CCDC80: variants seen among roughly 807,000 people sequenced by gnomAD.
CCDC80 encodes the protein coiled-coil domain-containing protein 80.
In CCDC80, 49 loss-of-function variants were observed where a neutral mutation model predicts 78.7. The ratio of observed to expected loss-of-function variants is 0.62; its 90% CI spans 0.50 to 0.79. The LOEUF (loss-of-function observed/expected upper bound fraction) is 0.79. CCDC80 is among the 30% of genes least tolerant of loss of function. The probability of loss-of-function intolerance (pLI) is 0.00; values close to 1 mark genes in which losing one functional copy is unlikely to be tolerated. For missense variants in CCDC80, 1,205 were observed against 1,198.6 expected (o/e 1.01, Z -0.08); for synonymous variants, 488 against 447.0 (o/e 1.09, Z -1.16).
rs1467154900 is a variant in CCDC80 at position 112,600,362 on chromosome 3, T to C, written c.*5055A>G. The C allele has an allele frequency of 6.6e-6, 1 of 152,218 alleles. No homozygotes were observed. The highest frequency in any genetic ancestry group is 1.5e-5 in the Non-Finnish European group (1 of 68,042). 9.4% of individuals were successfully genotyped at this position (152,218 alleles called of 1,614,324 possible). ...TTCAATGCCAGTGGAACTGGAGAAA[T>C]GCTTGAAAAAGTAATCTCAGGTTGT... On this transcript the variant is annotated 3_prime_UTR_variant, in exon 8 of 8. Coordinates refer to ENST00000206423, the MANE Select transcript of CCDC80 (RefSeq NM_199511.3).
intron 5 of CCDC80, among the ~76,000 whole-genome samples, chr3:112,615,140 A>G (rs1004063408): frequency 1.3e-5 from 2 of 152,212 alleles, no homozygotes. Flanking sequence ...AGTAAGTTAC[A>G]GACTCAAAAC....
At chr3:112,618,548 C>A (rs1935799310) in intron 4 of CCDC80, among the ~76,000 whole-genome samples, 1 of 151,774 alleles carries the variant, frequency 6.6e-6, no homozygotes, top group African/African-American at 2.4e-5. Flanking sequence ...AAAAAAACAA[C>A]CCCAAACTCT....
At position 112,638,423 on chromosome 3, in the gene CCDC80, T is replaced by C; in HGVS notation, c.1483A>G (p.Lys495Glu). 1 of 1,613,792 alleles carries C rather than the reference T, an allele frequency of 6.2e-7. No individual in the cohort carries two copies. Among genetic ancestry groups the C allele is most frequent in the Non-Finnish European group, 8.5e-7 (1 of 1,180,000 alleles). The change falls in exon 2 of 8, where the codon AAG becomes GAG. Residue 495 changes from lysine (K) to glutamate (E), a missense_variant. Lys to Glu is a moderately conservative substitution (Grantham distance 56). Coordinates refer to ENST00000206423, the MANE Select transcript of CCDC80 (RefSeq NM_199511.3). Reference protein sequence around the residue: ...PKPAKEKPPKKKAQDKILSNE... With the variant: ...PKPAKEKPPKEKAQDKILSNE... ...CTAAGAATTTTGTCCTGGGCCTTCT[T>C]TTTGGGAGGTTTCTCCTTTGCTGGC...
chr3:112,631,856 C>G (rs185789531), intron 2 of CCDC80, among the ~76,000 whole-genome samples: 13 of 152,264 alleles, frequency 8.5e-5, no homozygotes, highest in Admixed American at 8.5e-4. Context: ...GGAACGTTAA[C>G]AAAGGTTTTC....
rs1935432004 is a variant in CCDC80, at chr3:112,604,425, GATC to G, written c.*989_*991del. 1 of 152,240 alleles carries G rather than the reference GATC, an allele frequency of 6.6e-6. No individual in the cohort carries two copies. The highest frequency in any genetic ancestry group is 2.4e-5 in the African/African-American group (1 of 41,530). 9.4% of individuals were successfully genotyped at this position (152,240 alleles called of 1,614,324 possible). A position where few individuals can be genotyped will look rare whatever the true frequency, so the allele number is the denominator to read the frequency against. On this transcript the variant is annotated 3_prime_UTR_variant, in exon 8 of 8. Transcript: ENST00000206423. ...ATCAACATCAATGCAAAAAGATTAT[GATC>G]ATTAGCAATTTTTAGCAATAAAGTA...
At position 112,628,962 on chromosome 3, in the gene CCDC80, T is replaced by C. The variant is rs890964414; in HGVS notation, c.2035+1151A>G. On this transcript the variant is annotated intron_variant, in intron 3 of 7. Transcript: ENST00000206423. ...ATACTGTATTGTGCACTTAAAAATG[T>C]ATTAAGAGGGAAGATTTCACGTTAA... Among the ~76,000 whole-genome samples the C allele has an allele frequency of 5.9e-5, 9 of 152,274 alleles. No homozygotes were observed. The East Asian group carries it at 1.7e-3, about 29-fold the overall frequency.
At position 112,618,964 on chromosome 3, in the gene CCDC80, G is replaced by A. The variant is rs1935808651; in HGVS notation, c.2172+4C>T. On this transcript the variant is annotated splice_donor_region_variant and intron_variant, in intron 4 of 7. Transcript: ENST00000206423. ...ACTACATTATTCAGAATAAGAAACT[G>A]TACCTTGACTCTCAGATCCACATCT... is the stretch of plus-strand genomic sequence containing the variant. 6.2e-7 allele frequency: 1 copy of A among 1,613,490 alleles called. No individual in the cohort carries two copies. The highest frequency in any genetic ancestry group is 2.2e-5 in the East Asian group (1 of 44,868).
Position 112,639,178 on chromosome 3 carries a change from T to C in CCDC80, c.728A>G (p.Gln243Arg). ...FGMVLLKKTL[Q>R]VEERYPYPVR... ...GGGATATGGATAGCGCTCCTCCACC[T>C]GCAGCGTCTTCTTCAGCAGCACCAT... is the stretch of plus-strand genomic sequence containing the variant. Residue 243 changes from glutamine (Q) to arginine (R), a missense_variant, in exon 2 of 8, where the codon CAG becomes CGG. Physicochemically the swap from Gln to Arg is conservative, Grantham distance 43 (BLOSUM62 1). Coordinates refer to ENST00000206423, the MANE Select transcript of CCDC80 (RefSeq NM_199511.3). 6.2e-7 allele frequency: 1 copy of C among 1,614,174 alleles called. No individual in the cohort carries two copies. The highest frequency in any genetic ancestry group is 8.5e-7 in the Non-Finnish European group (1 of 1,180,026).
Position 112,638,381 on chromosome 3 carries a change from TCTC to T in CCDC80, c.1522_1524del (p.Glu508del), listed in dbSNP as rs1936257178. ...GCAGTAGGCCGGCTGAGGTCATACT[TCTC>T]CTCATACTCATTACTAAGAATTTTG... On this transcript the variant is annotated inframe_deletion, in exon 2 of 8. Transcript: ENST00000206423. 1.2e-6 allele frequency: 2 copies of T among 1,613,786 alleles called. No homozygotes were observed. The highest frequency in any genetic ancestry group is 2.7e-5 in the African/African-American group (2 of 74,834).
rs757817759 is a variant in CCDC80 at position 112,605,503 on chromosome 3, A to C, written c.2767T>G (p.Tyr923Asp). The change falls in exon 8 of 8, where the codon TAC becomes GAC. Residue 923 changes from tyrosine to aspartate, a missense_variant. By Grantham distance (160) the Tyr-to-Asp change is radical. Coordinates refer to ENST00000206423, the MANE Select transcript of CCDC80 (RefSeq NM_199511.3). The stretch of plus-strand genomic sequence containing the variant: ...TGGTATCCTTGGTGGTAACTATGGT[A>C]ACCATAGCCTGCATACTCATCTTCT... ...CPEDEYAGYG[Y>D]HSYHQGYQDG... 19 of 1,614,020 alleles carry C rather than the reference A, an allele frequency of 1.2e-5. No individual in the cohort carries two copies. The Admixed American group carries it at 3.2e-4, about 27-fold the overall frequency.
At position 112,639,901 on chromosome 3, in the gene CCDC80, G is replaced by T; in HGVS notation, c.5C>A (p.Thr2Lys). The T allele has an allele frequency of 6.2e-7, 1 of 1,613,456 alleles. No homozygotes were observed. Among genetic ancestry groups the T allele is most frequent in the Non-Finnish European group, 8.5e-7 (1 of 1,179,568 alleles). ...AGTGAAACGGGGTCCCATTCTCCAT[G>T]TCATTGTGTAATCCACTTTGCGATG... M[T>K]WRMGPRFTML... is the part of the protein sequence containing the mutation. The change falls in exon 2 of 8, where the codon ACA becomes AAA. Residue 2 changes from threonine (T) to lysine (K), a missense_variant. Physicochemically the swap from Thr to Lys is moderately conservative, Grantham distance 78 (BLOSUM62 -1). Coordinates refer to ENST00000206423, the MANE Select transcript of CCDC80 (RefSeq NM_199511.3).
intron 6 of CCDC80, among the ~76,000 whole-genome samples, chr3:112,608,740 A>G (rs1418332112): frequency 6.6e-6 from 1 of 152,238 alleles, no homozygotes; most frequent in Non-Finnish European, 1.5e-5. Context: ...TCAAATTTAT[A>G]TGTTAATATA....
chr3:112,607,582 A>C (rs1371431992), intron 6 of CCDC80, among the ~76,000 whole-genome samples: 1 of 152,036 alleles, frequency 6.6e-6, no homozygotes, highest in Non-Finnish European at 1.5e-5. Flanking sequence ...GTCAGGAGAT[A>C]GAGACCACCC....
chr3:112,611,776 T>G (rs1396447658), intron 5 of CCDC80, among the ~76,000 whole-genome samples: 1 of 152,196 alleles, frequency 6.6e-6, no homozygotes, highest in Middle Eastern at 3.2e-3. Context: ...CTTTTTGCCT[T>G]CAGTGCAGGT....
Position 112,638,082 on chromosome 3 carries a change from G to T in CCDC80, c.1824C>A (p.Pro608=). 6.2e-7 allele frequency: 1 copy of T among 1,613,342 alleles called. No individual in the cohort carries two copies. Among genetic ancestry groups the T allele is most frequent in the Non-Finnish European group, 8.5e-7 (1 of 1,179,846 alleles). ...KPTNKHFTQS[P]KKSVADLLGS... ...CCAGCAGGTCGGCCACTGACTTCTT[G>T]GGACTCTGCGTGAAGTGTTTGTTGG... is the stretch of plus-strand genomic sequence containing the variant. Residue 608 remains proline, a synonymous_variant, in exon 2 of 8, where the codon CCC becomes CCA. Transcript: ENST00000206423.
chr3:112,602,598 A>T lies in CCDC80; in HGVS notation c.*2819T>A, dbSNP rs1213681782. On this transcript the variant is annotated 3_prime_UTR_variant, in exon 8 of 8. Transcript: ENST00000206423. ...TTACTGCTGATATGGAGAAACTTTG[A>T]GTCATCTGAATAGAAGATCAAGCCA... 1 of 152,262 alleles carries T rather than the reference A, an allele frequency of 6.6e-6. No individual in the cohort carries two copies. The highest frequency in any genetic ancestry group is 2.4e-5 in the African/African-American group (1 of 41,464). 9.4% of individuals were successfully genotyped at this position (152,262 alleles called of 1,614,324 possible). A position where few individuals can be genotyped will look rare whatever the true frequency, so the allele number is the denominator to read the frequency against.
chr3:112,637,243 C>A (rs1936225026), intron 2 of CCDC80, among the ~76,000 whole-genome samples: 1 of 152,196 alleles, frequency 6.6e-6, no homozygotes, highest in South Asian at 2.1e-4. Context: ...CCCGGAGAAA[C>A]TGACATCTAG....
At chr3:112,631,327 G>T (rs1936094309) in intron 2 of CCDC80, among the ~76,000 whole-genome samples, 2 of 152,146 alleles carry the variant, frequency 1.3e-5, no homozygotes, top group Non-Finnish European at 2.9e-5. Flanking sequence ...TACCTTGGAG[G>T]TGGGAGGATG....
In CCDC80 at chr3:112,616,761, C is replaced by T; in HGVS notation, c.2270G>A (p.Gly757Asp). 1.2e-6 allele frequency: 2 copies of T among 1,614,196 alleles called. No individual in the cohort carries two copies. Among genetic ancestry groups the T allele is most frequent in the Non-Finnish European group, 8.5e-7 (1 of 1,180,022 alleles). ...IKDMEKQKKEGIVCKEDKKQS... is the reference protein window; with the variant it reads ...IKDMEKQKKEDIVCKEDKKQS... ...CTTTTTGTCCTCTTTGCAAACAATG[C>T]CCTCCTTCTTCTGCTTCTCCATATC... is the stretch of plus-strand genomic sequence containing the variant. Residue 757 changes from glycine to aspartate, a missense_variant, in exon 5 of 8, where the codon GGC (glycine) becomes GAC (aspartate). Gly to Asp is a moderately conservative substitution (Grantham distance 94). Coordinates refer to ENST00000206423, the MANE Select transcript of CCDC80 (RefSeq NM_199511.3).
Sources: allele counts gnomAD v4.1 joint callset (sites outside exome capture counted in the v4.1 genomes callset), GRCh38; gene constraint gnomAD v4.1.1; transcripts MANE v1.5; gene names NCBI Gene and HGNC (gene_info 2026-07-23, HGNC 2026-07-21).